The following PHC1 variants were observed in gnomAD, a reference collection of about 807,000 sequenced individuals.
PHC1 encodes polyhomeotic-like protein 1.
Under a neutral mutation model 104.3 loss-of-function variants are expected in PHC1, and 12 were observed. The observed-to-expected ratio is 0.12, with a 90% confidence interval of 0.07 to 0.19. The LOEUF (loss-of-function observed/expected upper bound fraction) is 0.19. Among genes scored for constraint, PHC1 ranks in the 10% least tolerant of loss-of-function variants. The pLI is 1.00. For synonymous variants in PHC1, 302 were observed against 455.8 expected (o/e 0.66, Z 4.30); for missense variants, 671 against 1,200.0 (o/e 0.56, Z 6.51).
chr12:8,933,809 T>C, intron 8 of PHC1, 56 bp from the exon 9 acceptor site: 1 of 1,450,374 alleles, frequency 6.9e-7, no homozygotes, highest in Non-Finnish European at 9.5e-7. Context: ...TAATTGTGGT[T>C]CCTTATTATC....
At chr12:8,927,847 T>C (rs1449960501) in intron 6 of PHC1, among the ~76,000 whole-genome samples, 1 of 150,464 alleles carries the variant, frequency 6.6e-6, no homozygotes, top group Non-Finnish European at 1.5e-5. Context: ...ACCTGTACTG[T>C]ACTAGTTTTC....
intron 6 of PHC1, among the ~76,000 whole-genome samples, chr12:8,927,599 T>C (rs1945553433): frequency 6.6e-6 from 1 of 152,188 alleles, no homozygotes; most frequent in Non-Finnish European, 1.5e-5. Flanking sequence ...GGTTTTTGTT[T>C]TCTCTGAAGA....
At chr12:8,933,559 G>T (rs1294965439) in intron 8 of PHC1, 5 of 718,420 alleles carry the variant, frequency 7.0e-6, no homozygotes, top group Non-Finnish European at 8.7e-6. Context: ...CTGGGTTTTT[G>T]GGTATGTAAT....
intron 5 of PHC1, 148 bp from the exon 6 acceptor site, chr12:8,922,485 T>A: frequency 1.6e-6 from 1 of 641,092 alleles, no homozygotes; most frequent in Non-Finnish European, 2.7e-6. Context: ...ATGTGGAGAA[T>A]ATGAGGCTCC....
chr12:8,921,112 G>A (rs1173555699), intron 4 of PHC1, 47 bp downstream of exon 4: 1 of 1,396,344 alleles, frequency 7.2e-7, no homozygotes, highest in Non-Finnish European at 9.9e-7. Flanking sequence ...CTGGGTCTTT[G>A]TCTCTGGGTT....
Position 8,937,916 on chromosome 12 carries a change from G to A in PHC1, c.2716G>A (p.Ala906Thr), listed in dbSNP as rs781545943. Reference sequence around the variant, plus strand: ...ATCTCCTGGGCCTTTATCAGTAAGAGCTGGGCATGGAGAACGTGACCTGGG... The same window carrying A: ...ATCTCCTGGGCCTTTATCAGTAAGAACTGGGCATGGAGAACGTGACCTGGG... ...PTSPGPLSVR[A>T]GHGERDLGNP... The change falls in exon 14 of 15, where the codon GCT (alanine) becomes ACT (threonine). Residue 906 changes from alanine to threonine, a missense_variant. This residue lies in a region of PHC1 where 192 missense variants were observed against 280.5 expected (regional missense o/e 0.68). Transcript: ENST00000544916. 1.2e-6 allele frequency: 2 copies of A among 1,607,678 alleles called. No homozygotes were observed. The highest frequency in any genetic ancestry group is 1.7e-6 in the Non-Finnish European group (2 of 1,174,400).
intron 10 of PHC1, 59 bp from the exon 11 acceptor site, chr12:8,935,065 A>C: frequency 2.5e-6 from 2 of 807,802 alleles, no homozygotes; most frequent in Non-Finnish European, 4.0e-6. Flanking sequence ...TGTTGGGGAA[A>C]GCTATAGAGA....
intron 6 of PHC1, 78 bp downstream of exon 6, chr12:8,922,866 C>A: frequency 7.9e-7 from 1 of 1,271,942 alleles, no homozygotes; most frequent in Non-Finnish European, 1.1e-6. Flanking sequence ...GTCCACCCTT[C>A]TGCCCCATTA....
intron 3 of PHC1, 27 bp from the exon 4 acceptor site, chr12:8,920,958 T>A: frequency 6.5e-7 from 1 of 1,550,288 alleles, no homozygotes; most frequent in Non-Finnish European, 8.8e-7. Context: ...GTCTTTGCTA[T>A]TTCTTGTTTC....
At chr12:8,934,214 A>AT in intron 9 of PHC1, 53 bp from the exon 10 acceptor site, 1 of 1,437,642 alleles carries the variant, frequency 7.0e-7, no homozygotes, top group East Asian at 2.3e-5. Flanking sequence ...CAACTAATAG[A>AT]TGGATCAATA....
chr12:8,924,318 A>C (rs1250977966), intron 6 of PHC1, among the ~76,000 whole-genome samples: 1 of 152,134 alleles, frequency 6.6e-6, no homozygotes, highest in Non-Finnish European at 1.5e-5. Flanking sequence ...CTCTACTAAA[A>C]ATACAAAAAT....
At chr12:8,924,061 G>T (rs930377960) in intron 6 of PHC1, among the ~76,000 whole-genome samples, 3 of 152,178 alleles carry the variant, frequency 2.0e-5, no homozygotes, top group African/African-American at 7.2e-5. Context: ...AGTGTCTGCA[G>T]ACTTTGATGT....
At chr12:8,926,291 A>G (rs773321261) in intron 6 of PHC1, among the ~76,000 whole-genome samples, 1 of 152,166 alleles carries the variant, frequency 6.6e-6, no homozygotes, top group Non-Finnish European at 1.5e-5. Flanking sequence ...TCCCCCATCT[A>G]CTAAATTAGT....
At chr12:8,916,277 C>A (rs1442798056) in intron 1 of PHC1, among the ~76,000 whole-genome samples, 1 of 152,154 alleles carries the variant, frequency 6.6e-6, no homozygotes, top group African/African-American at 2.4e-5. Context: ...GAAATATCCT[C>A]AGCTTTATTG....
At chr12:8,920,099 A>G (rs1311231135) in intron 3 of PHC1, among the ~76,000 whole-genome samples, 2 of 152,240 alleles carry the variant, frequency 1.3e-5, no homozygotes, top group African/African-American at 4.8e-5. Flanking sequence ...GCATTGTCTA[A>G]TAACGTAGTC....
At chr12:8,934,240 G>A in intron 9 of PHC1, 27 bp from the exon 10 acceptor site, 1 of 1,563,940 alleles carries the variant, frequency 6.4e-7, no homozygotes, top group Non-Finnish European at 8.8e-7. Flanking sequence ...TCTCATGTCT[G>A]TTGCTTAATC....
upstream of PHC1, among the ~76,000 whole-genome samples, chr12:8,914,237 G>A (rs1478111023): frequency 1.3e-5 from 2 of 151,992 alleles, no homozygotes; most frequent in African/African-American, 2.4e-5. Context: ...CCCACTAGAG[G>A]CCAGCACTTT....
rs1945401626 is a variant in PHC1 at position 8,922,754 on chromosome 12, C to T, written c.578C>T (p.Ala193Val). Residue 193 changes from alanine to valine, a missense_variant, in exon 6 of 15, where the codon GCT (alanine) becomes GTT (valine). This residue lies in a region of PHC1 where 237 missense variants were observed against 331.1 expected (regional missense o/e 0.72). Coordinates refer to ENST00000544916, the MANE Select transcript of PHC1 (RefSeq NM_004426.3). ...VAAVQQEVPS[A>V]QSPGVHADAD... Reference sequence around the variant, plus strand: ...GCAGTCCAGCAGGAGGTGCCATCTGCTCAGTCTCCTGGAGTTCATGCAGAT... The same window carrying T: ...GCAGTCCAGCAGGAGGTGCCATCTGTTCAGTCTCCTGGAGTTCATGCAGAT... 2 of 1,612,814 alleles carry T rather than the reference C, an allele frequency of 1.2e-6. No homozygotes were observed. The highest frequency in any genetic ancestry group is 2.2e-5 in the East Asian group (1 of 44,866).
intron 2 of PHC1, among the ~76,000 whole-genome samples, chr12:8,918,041 A>G (rs1945251725): frequency 2.0e-5 from 3 of 152,146 alleles, no homozygotes; most frequent in Non-Finnish European, 4.4e-5. Flanking sequence ...ATTCTAACTA[A>G]CCCTTTCTCA....
Sources: allele counts gnomAD v4.1 joint callset (sites outside exome capture counted in the v4.1 genomes callset), GRCh38; gene constraint gnomAD v4.1.1; regional missense constraint gnomAD v4.1.1; transcripts MANE v1.5; gene names NCBI Gene and HGNC (gene_info 2026-07-23, HGNC 2026-07-21).